The following LOXHD1 variants were observed in gnomAD, a reference collection of about 807,000 sequenced individuals.
LOXHD1 encodes the protein lipoxygenase homology domain-containing protein 1.
LOXHD1 carries 205 observed loss-of-function variants against 248.2 expected under a neutral mutation model. The ratio of observed to expected loss-of-function variants is 0.83; its 90% CI spans 0.74 to 0.93. The LOEUF (loss-of-function observed/expected upper bound fraction) is 0.93. Ranked by LOEUF, LOXHD1 falls within the 40% of genes least tolerant of loss-of-function variation. The pLI is 0.00. For synonymous variants in LOXHD1, 1,113 were observed against 1,162.8 expected (o/e 0.96, Z 0.87); for missense variants, 2,930 against 2,971.6 (o/e 0.99, Z 0.33).
intron 34 of LOXHD1, among the ~76,000 whole-genome samples, chr18:46,516,207 A>G (rs920388812): frequency 2.0e-5 from 3 of 152,162 alleles, no homozygotes; most frequent in African/African-American, 7.2e-5. Flanking sequence ...TTTCACCTCT[A>G]TGTGTCTCAG....
chr18:46,594,445 T>A lies in LOXHD1; in HGVS notation c.1156A>T (p.Thr386Ser). Residue 386 changes from threonine (T) to serine (S), a missense_variant, in exon 9 of 41, where the codon ACT (threonine) becomes TCT (serine). Transcript: ENST00000642948. ...CEKVVILCPF[T>S]GIQQTFPCSN... ...CAAGGGAAGGTCTGCTGGATACCAGTGAAGGGGCACAGAATCACCACCTGG... is the reference window on the plus strand; with the variant it reads ...CAAGGGAAGGTCTGCTGGATACCAGAGAAGGGGCACAGAATCACCACCTGG... 1 of 1,551,540 alleles carries A rather than the reference T, an allele frequency of 6.4e-7. No individual in the cohort carries two copies. Among genetic ancestry groups the A allele is most frequent in the Non-Finnish European group, 8.7e-7 (1 of 1,146,970 alleles).
chr18:46,598,593 A>G (rs565596528), intron 8 of LOXHD1, among the ~76,000 whole-genome samples: 137 of 152,278 alleles, frequency 9.0e-4, no homozygotes, highest in South Asian at 7.5e-3. Context: ...AGAATTAACA[A>G]TAGAGTTTAG....
intron 4 of LOXHD1, among the ~76,000 whole-genome samples, chr18:46,619,307 C>A (rs1266416537): frequency 6.6e-6 from 1 of 152,194 alleles, no homozygotes; most frequent in Non-Finnish European, 1.5e-5. Flanking sequence ...AGCCCCTCTG[C>A]CCACCTGTTC....
chr18:46,608,534 G>A (rs574558624), intron 6 of LOXHD1, among the ~76,000 whole-genome samples: 1 of 152,120 alleles, frequency 6.6e-6, no homozygotes, highest in African/African-American at 2.4e-5. Context: ...GGACTTCAAG[G>A]TACCTGTTCT....
rs370135563 is a variant in LOXHD1 at position 46,593,620 on chromosome 18, C to T, written c.1411G>A (p.Gly471Ser). 52 of 1,552,286 alleles carry T rather than the reference C, an allele frequency of 3.3e-5. No individual in the cohort carries two copies. The highest frequency in any genetic ancestry group is 6.8e-5 in the African/African-American group (5 of 73,138). The change falls in exon 10 of 41, where the codon GGC becomes AGC. Residue 471 changes from glycine (G) to serine (S), a missense_variant. Transcript: ENST00000642948. ...CCTACCCTAAACTTCTCGATTATGC[C>T]GGGTTTGAACCACTTGTTGTTGGGA... ...LNPNNKWFKP[G>S]IIEKFRIELP...
intron 40 of LOXHD1, 93 bp downstream of exon 40, chr18:46,483,494 T>G (rs558613656): frequency 6.9e-7 from 1 of 1,453,006 alleles, no homozygotes; most frequent in South Asian, 1.2e-5. Context: ...AGAAGAGACC[T>G]CATCATACCC....
Position 46,533,158 on chromosome 18 carries a change from T to C in LOXHD1, c.4375+4A>G, listed in dbSNP as rs1878464383. ...GGTGATGAGGGTGGCCACACCACACTTACTGTCCAGAGGCTCTTCTACTTC... is the reference window on the plus strand; with the variant it reads ...GGTGATGAGGGTGGCCACACCACACCTACTGTCCAGAGGCTCTTCTACTTC... On this transcript the variant is annotated splice_donor_region_variant and intron_variant, in intron 28 of 40. Transcript: ENST00000642948. The C allele has an allele frequency of 6.4e-7, 1 of 1,551,632 alleles. No homozygotes were observed.
chr18:46,586,959 G>A (rs2038072997), intron 12 of LOXHD1, among the ~76,000 whole-genome samples: 3 of 152,214 alleles, frequency 2.0e-5, no homozygotes, highest in Admixed American at 1.3e-4. Context: ...TAGAGTGTCT[G>A]TGGCAAAAGC....
intron 37 of LOXHD1, among the ~76,000 whole-genome samples, chr18:46,500,305 A>AG (rs1434316233): frequency 6.6e-6 from 1 of 152,162 alleles, no homozygotes; most frequent in Admixed American, 6.5e-5. Flanking sequence ...TTTCCTCCTG[A>AG]GGTCCAGACC....
At chr18:46,501,411 G>T (rs765720154) in intron 37 of LOXHD1, among the ~76,000 whole-genome samples, 2 of 151,976 alleles carry the variant, frequency 1.3e-5, no homozygotes, top group Non-Finnish European at 2.9e-5. Flanking sequence ...TTTTAAAATG[G>T]CCCCCAAACA....
chr18:46,484,051 C>G lies in LOXHD1; in HGVS notation c.6183-306G>C, dbSNP rs181090420. Among the ~76,000 whole-genome samples the G allele has an allele frequency of 8.5e-5, 13 of 152,132 alleles. 1 individual carries two copies. The East Asian group carries it at 2.5e-3, about 29-fold the overall frequency. On this transcript the variant is annotated intron_variant, in intron 39 of 40. Transcript: ENST00000642948. ...AGAGGGAGGAGGGGAAGGGAAGAGTCCCCTGTAACAGACATGTCTTAGCAA... is the reference window on the plus strand; with the variant it reads ...AGAGGGAGGAGGGGAAGGGAAGAGTGCCCTGTAACAGACATGTCTTAGCAA...
intron 4 of LOXHD1, among the ~76,000 whole-genome samples, chr18:46,627,471 T>C (rs1298087731): frequency 6.6e-6 from 1 of 152,162 alleles, no homozygotes; most frequent in East Asian, 1.9e-4. Context: ...GTTCAGATTT[T>C]CGTGTGTACA....
intron 1 of LOXHD1, among the ~76,000 whole-genome samples, chr18:46,651,253 TC>T (rs1367354876): frequency 2.6e-5 from 4 of 152,024 alleles, no homozygotes; most frequent in South Asian, 4.2e-4. Flanking sequence ...CTGATGAAGG[TC>T]CCCATCGAGG....
rs1324276242 is a variant in LOXHD1 at position 46,610,819 on chromosome 18, C to T, written c.716G>A (p.Gly239Asp). ...TGCAGAGCCCCCCTTATTGTTGTGG[C>T]CAACATTGATCTTCATCAGCTGCCC... is the stretch of plus-strand genomic sequence containing the variant. ...DLGQLMKINV[G>D]HNNKGGSAGW... The change falls in exon 6 of 41, where the codon GGC (glycine) becomes GAC (aspartate). Residue 239 changes from glycine to aspartate, a missense_variant. Gly to Asp is a moderately conservative substitution (Grantham distance 94, BLOSUM62 -1). Coordinates refer to ENST00000642948, the MANE Select transcript of LOXHD1 (RefSeq NM_001384474.1). 2.6e-6 allele frequency: 4 copies of T among 1,551,674 alleles called. No individual in the cohort carries two copies. In the Admixed American group the frequency reaches 7.8e-5, roughly 30 times the overall value.
At chr18:46,641,121 C>A (rs759471262) in intron 3 of LOXHD1, among the ~76,000 whole-genome samples, 1 of 152,010 alleles carries the variant, frequency 6.6e-6, no homozygotes, top group Middle Eastern at 3.4e-3. Context: ...CTGCTCGTAA[C>A]CTCCTTCCCT....
intron 21 of LOXHD1, among the ~76,000 whole-genome samples, chr18:46,547,410 G>A (rs1373911215): frequency 6.6e-6 from 1 of 152,204 alleles, no homozygotes; most frequent in Non-Finnish European, 1.5e-5. Context: ...CTGCTAGCCA[G>A]GGCTACTTTA....
At chr18:46,520,361 A>G (rs2035512898) in intron 33 of LOXHD1, 2 of 469,882 alleles carry the variant, frequency 4.3e-6, no homozygotes, top group African/African-American at 4.0e-5. Flanking sequence ...TACCAGAGAT[A>G]AGGGCTGGGG....
At chr18:46,477,163 C>G (rs2032069995), downstream of LOXHD1, 1 of 719,078 alleles carries the variant, frequency 1.4e-6, no homozygotes, top group African/African-American at 1.7e-5. Flanking sequence ...CTTCTATCCC[C>G]TGGGTGAAGA....
In LOXHD1 at chr18:46,522,312, G is replaced by A; in HGVS notation, c.4877-3C>T. On this transcript the variant is annotated splice_polypyrimidine_tract_variant and splice_region_variant and intron_variant, in intron 31 of 40. Coordinates refer to ENST00000642948, the MANE Select transcript of LOXHD1 (RefSeq NM_001384474.1). ...GACTGACACATAGTAGGGAATAACT[G>A]CAAGAGATCACGGGGCTCAGGTTCA... 1 of 1,551,356 alleles carries A rather than the reference G, an allele frequency of 6.4e-7. No homozygotes were observed. The highest frequency in any genetic ancestry group is 1.2e-5 in the South Asian group (1 of 84,044).
Sources: gnomAD v4.1 joint callset for allele counts (sites outside exome capture counted in the v4.1 genomes callset) on GRCh38, gnomAD v4.1.1 for gene constraint, MANE v1.5 for transcripts, NCBI Gene and HGNC (gene_info 2026-07-23, HGNC 2026-07-21) for gene names.